CAMKK2: variants seen among roughly 807,000 people sequenced by gnomAD.
The protein encoded by CAMKK2 is calcium/calmodulin dependent protein kinase kinase 2.
A neutral mutation model predicts 67.2 loss-of-function variants in CAMKK2; 30 were observed. That is an observed-to-expected ratio of 0.45 (90% CI 0.33 to 0.61). The LOEUF (loss-of-function observed/expected upper bound fraction) is 0.61. Among genes scored for constraint, CAMKK2 ranks in the 20% least tolerant of loss-of-function variants. The probability of loss-of-function intolerance (pLI) is 0.02; values close to 1 mark genes in which losing one functional copy is unlikely to be tolerated. For synonymous variants in CAMKK2, 322 were observed against 326.2 expected (o/e 0.99, Z 0.14); for missense variants, 643 against 802.0 (o/e 0.80, Z 2.39).
intron 1 of CAMKK2, among the ~76,000 whole-genome samples, chr12:121,280,613 G>GGAAC (rs1261540975): frequency 1.3e-5 from 2 of 152,152 alleles, no homozygotes; most frequent in East Asian, 3.8e-4. Context: ...TTCTCAGCAT[G>GGAAC]GAACGTCCCT....
At chr12:121,264,540 C>T (rs1240661146) in intron 5 of CAMKK2, among the ~76,000 whole-genome samples, 8 of 151,806 alleles carry the variant, frequency 5.3e-5, no homozygotes, top group Non-Finnish European at 8.8e-5. Flanking sequence ...TTTGGGAGGC[C>T]GAGACGGGTG....
chr12:121,244,759 G>T, intron 15 of CAMKK2, 144 bp from the exon 16 acceptor site: 1 of 663,950 alleles, frequency 1.5e-6, no homozygotes. Flanking sequence ...CAGCAGATGA[G>T]TGGACACCTC....
intron 4 of CAMKK2, 105 bp downstream of exon 4, chr12:121,269,423 T>C (rs1014540908): frequency 2.9e-5 from 25 of 870,844 alleles, no homozygotes; most frequent in Non-Finnish European, 4.1e-5. Context: ...GACCTAAGAA[T>C]AAAATGAGAC....
intron 1 of CAMKK2, among the ~76,000 whole-genome samples, chr12:121,277,149 G>A (rs945089662): frequency 2.6e-5 from 4 of 152,170 alleles, no homozygotes; most frequent in African/African-American, 9.7e-5. Flanking sequence ...CACGTGGCAG[G>A]GAAAGCCCAA....
intron 1 of CAMKK2, among the ~76,000 whole-genome samples, chr12:121,281,409 G>A (rs1057328577): frequency 2.6e-5 from 4 of 152,364 alleles, no homozygotes; most frequent in East Asian, 1.9e-4. Flanking sequence ...CCAAGGCTAC[G>A]GATGATGTCC....
intron 14 of CAMKK2, among the ~76,000 whole-genome samples, chr12:121,248,096 CA>C (rs753019437): frequency 2.6e-5 from 4 of 152,192 alleles, no homozygotes; most frequent in Non-Finnish European, 5.9e-5. Context: ...GGTCAGGATC[CA>C]AATTCAAGGC....
At chr12:121,252,924 G>T (rs1303497475) in intron 10 of CAMKK2, among the ~76,000 whole-genome samples, 1 of 152,146 alleles carries the variant, frequency 6.6e-6, no homozygotes, top group East Asian at 1.9e-4. Flanking sequence ...TTCAAGCATG[G>T]GCACATGACC....
rs539596530 is a variant in CAMKK2 at position 121,289,758 on chromosome 12, T to A, written c.-60+6880A>T. 3.9e-5 allele frequency among the ~76,000 whole-genome samples: 6 copies of A among 152,186 alleles called. No individual in the cohort carries two copies. In the East Asian group the frequency reaches 9.7e-4, roughly 25 times the overall value. ...AAATACAAAAATTAGCCAGGCGTGA[T>A]GGGACGTGCCTGTAATTCCAGCTAC... On this transcript the variant is annotated intron_variant, in intron 1 of 16. Coordinates refer to ENST00000404169, the MANE Select transcript of CAMKK2 (RefSeq NM_001270485.2).
At chr12:121,249,928 C>G in intron 12 of CAMKK2, 33 bp downstream of exon 12, 1 of 1,613,298 alleles carries the variant, frequency 6.2e-7, no homozygotes, top group Non-Finnish European at 8.5e-7. Context: ...AGAACTCGGA[C>G]AGGAGAGATG....
chr12:121,268,255 G>A (rs1477737422), intron 5 of CAMKK2, among the ~76,000 whole-genome samples: 1 of 151,808 alleles, frequency 6.6e-6, no homozygotes, highest in East Asian at 1.9e-4. Context: ...GAACACGGAT[G>A]TCCTGTTCTC....
At chr12:121,293,714 C>T (rs1900577536) in intron 1 of CAMKK2, among the ~76,000 whole-genome samples, 1 of 151,822 alleles carries the variant, frequency 6.6e-6, no homozygotes, top group African/African-American at 2.4e-5. Flanking sequence ...TATCCCCTTC[C>T]CCTCCTACTC....
Position 121,240,971 on chromosome 12 carries a change from C to A in CAMKK2, c.1597-102G>T. ...TGGGCCCCCTGCCCAAGTGGGCCGT[C>A]GCGCACCCCCTGGAACGTGATCTAC... On this transcript the variant is annotated intron_variant, in intron 16 of 16. Coordinates refer to ENST00000404169, the MANE Select transcript of CAMKK2 (RefSeq NM_001270485.2). This position sits in a 1 kb window ranked among gnomAD's most constrained non-coding sequence, Gnocchi z 4.4. 8.8e-7 allele frequency: 1 copy of A among 1,130,592 alleles called. No homozygotes were observed. The highest frequency in any genetic ancestry group is 1.5e-5 in the African/African-American group (1 of 64,912). The allele number at this position is 1,130,592 out of a possible 1,614,324, so 70.0% of individuals were successfully genotyped here. A position where few individuals can be genotyped will look rare whatever the true frequency, so the allele number is the denominator to read the frequency against.
chr12:121,240,182 A>C lies in CAMKK2; in HGVS notation c.*517T>G, dbSNP rs1333680034. The C allele has an allele frequency of 2.0e-6, 1 of 491,858 alleles. No individual in the cohort carries two copies. The highest frequency in any genetic ancestry group is 2.0e-5 in the African/African-American group (1 of 50,912). The allele number at this position is 491,858 out of a possible 1,614,324, so 30.5% of individuals were successfully genotyped here. A position where few individuals can be genotyped will look rare whatever the true frequency, so the allele number is the denominator to read the frequency against. ...AAGCTCCCTGCAGCTACTGAGGGCC[A>C]GCCCTGCTCTGACTCCTTGAGACCA... On this transcript the variant is annotated 3_prime_UTR_variant, in exon 17 of 17. Transcript: ENST00000404169. The surrounding 1 kb of genome is among the most constrained non-coding windows in gnomAD (Gnocchi z 4.4).
At position 121,284,625 on chromosome 12, in the gene CAMKK2, G is replaced by A. The variant is rs555539108; in HGVS notation, c.-59-10040C>T. 3.3e-5 allele frequency among the ~76,000 whole-genome samples: 5 copies of A among 152,096 alleles called. No homozygotes were observed. The East Asian group carries it at 5.8e-4, about 18-fold the overall frequency. ...CAGGCATGAGTCACCGCACCCGGCC[G>A]GGCTGAGTTTTTCAGGAAGGGGCCA... On this transcript the variant is annotated intron_variant, in intron 1 of 16. Transcript: ENST00000404169.
At chr12:121,270,268 G>A (rs1200467399) in intron 3 of CAMKK2, among the ~76,000 whole-genome samples, 1 of 151,924 alleles carries the variant, frequency 6.6e-6, no homozygotes, top group Non-Finnish European at 1.5e-5. Context: ...TACTTGGGAG[G>A]CTGAGGCAGG....
chr12:121,296,627 C>T lies in CAMKK2; in HGVS notation c.-60+11G>A, dbSNP rs1241116117. ...CGTCCCTTGCCCCGGGCCCGGCTAC[C>T]GCCAGCTCACCTGGGCTCCGCGCCG... On this transcript the variant is annotated intron_variant, in intron 1 of 16. Coordinates refer to ENST00000404169, the MANE Select transcript of CAMKK2 (RefSeq NM_001270485.2). The surrounding 1 kb of genome is among the most constrained non-coding windows in gnomAD (Gnocchi z 7.1). 2.0e-5 allele frequency: 3 copies of T among 151,476 alleles called. No homozygotes were observed. The highest frequency in any genetic ancestry group is 7.3e-5 in the African/African-American group (3 of 41,330). The allele number at this position is 151,476 out of a possible 1,614,324, so 9.4% of individuals were successfully genotyped here. A position where few individuals can be genotyped will look rare whatever the true frequency, so the allele number is the denominator to read the frequency against.
chr12:121,280,103 T>G (rs1193399384), intron 1 of CAMKK2, among the ~76,000 whole-genome samples: 1 of 152,100 alleles, frequency 6.6e-6, no homozygotes, highest in African/African-American at 2.4e-5. Context: ...ATGTCCTCCT[T>G]GGGAAAATGG....
At chr12:121,252,127 A>G (rs944272630) in intron 11 of CAMKK2, among the ~76,000 whole-genome samples, 3 of 152,206 alleles carry the variant, frequency 2.0e-5, no homozygotes, top group African/African-American at 4.8e-5. Flanking sequence ...TCAACTATTT[A>G]TAAACTCTAG....
At chr12:121,264,458 G>A (rs971534111) in intron 5 of CAMKK2, among the ~76,000 whole-genome samples, 9 of 151,814 alleles carry the variant, frequency 5.9e-5, no homozygotes, top group Non-Finnish European at 2.9e-5. Context: ...GCAACACGGC[G>A]AAACCCTGAC....
Sources: gnomAD v4.1 joint callset for allele counts (sites outside exome capture counted in the v4.1 genomes callset) on GRCh38, gnomAD v4.1.1 for gene constraint, Gnocchi (gnomAD v3.1) non-coding constraint, MANE v1.5 for transcripts, NCBI Gene and HGNC (gene_info 2026-07-23, HGNC 2026-07-21) for gene names.